YTHDF1: variants seen among roughly 807,000 people sequenced by gnomAD.
YTHDF1 encodes the protein YTH N6-methyladenosine RNA binding protein F1.
A neutral mutation model predicts 49.1 loss-of-function variants in YTHDF1; 16 were observed. The observed-to-expected ratio is 0.33, with a 90% CI of 0.22 to 0.49. YTHDF1 has a LOEUF of 0.49. YTHDF1 is among the 20% of genes least tolerant of loss of function. The probability of loss-of-function intolerance (pLI) is 0.99; values close to 1 mark genes in which losing one functional copy is unlikely to be tolerated. For missense variants in YTHDF1, 621 were observed against 744.3 expected (o/e 0.83, Z 1.93); for synonymous variants, 313 against 290.1 (o/e 1.08, Z -0.80).
intron 4 of YTHDF1, among the ~76,000 whole-genome samples, chr20:63,199,690 G>C (rs897300347): frequency 1.3e-5 from 2 of 152,184 alleles, no homozygotes; most frequent in African/African-American, 2.4e-5. Flanking sequence ...CAGGCAGGGA[G>C]AGCCAGCAGC....
chr20:63,198,275 A>C (rs2066501629), intron 4 of YTHDF1, among the ~76,000 whole-genome samples: 2 of 151,184 alleles, frequency 1.3e-5, no homozygotes, highest in Admixed American at 1.3e-4. Context: ...TCTACTAAAA[A>C]TACAAAAAAA....
chr20:63,205,702 T>G (rs2066542665), intron 3 of YTHDF1, among the ~76,000 whole-genome samples: 1 of 152,038 alleles, frequency 6.6e-6, no homozygotes, highest in Non-Finnish European at 1.5e-5. Flanking sequence ...AGAGACAGGA[T>G]TTCATCATCT....
rs1460242389 is a variant in YTHDF1 at position 63,196,234 on chromosome 20, A to G, written c.*474T>C. On this transcript the variant is annotated 3_prime_UTR_variant, in exon 5 of 5. Coordinates refer to ENST00000370339, the MANE Select transcript of YTHDF1 (RefSeq NM_017798.4). ...CTTTAGACCGATAACAGATAATAAAATGACAAATCAGAATGAACAAAAAAT... is the reference window on the plus strand; with the variant it reads ...CTTTAGACCGATAACAGATAATAAAGTGACAAATCAGAATGAACAAAAAAT... 6.6e-6 allele frequency: 1 copy of G among 152,654 alleles called. No individual in the cohort carries two copies. Among genetic ancestry groups the G allele is most frequent in the Admixed American group, 6.5e-5 (1 of 15,304 alleles). The allele number at this position is 152,654 out of a possible 1,614,324, so 9.5% of individuals were successfully genotyped here. A position where few individuals can be genotyped will look rare whatever the true frequency, so the allele number is the denominator to read the frequency against.
Position 63,196,606 on chromosome 20 carries a change from C to T in YTHDF1, c.*102G>A. The T allele has an allele frequency of 2.1e-6, 3 of 1,396,954 alleles. No homozygotes were observed. The highest frequency in any genetic ancestry group is 3.0e-6 in the Non-Finnish European group (3 of 1,009,834). The allele number at this position is 1,396,954 out of a possible 1,614,324, so 86.5% of individuals were successfully genotyped here. On this transcript the variant is annotated 3_prime_UTR_variant, in exon 5 of 5. Coordinates refer to ENST00000370339, the MANE Select transcript of YTHDF1 (RefSeq NM_017798.4). ...CGACAAGAAAGGCAAAGATGCAACACTCAACCCCCGCACGGGACGACACAC... is the reference window on the plus strand; with the variant it reads ...CGACAAGAAAGGCAAAGATGCAACATTCAACCCCCGCACGGGACGACACAC...
Position 63,202,578 on chromosome 20 carries a change from G to T in YTHDF1, c.1362C>A (p.Ser454=). The change falls in exon 4 of 5, where the codon TCC becomes TCA. Residue 454 remains serine (S), a synonymous_variant. Coordinates refer to ENST00000370339, the MANE Select transcript of YTHDF1 (RefSeq NM_017798.4). ...CGGCACTGGTGCCGTAGTCCACGGG[G>T]GACTTCATCTCGGCCACCCCACAAA... ...GHFCGVAEMK[S]PVDYGTSAGV... is the part of the protein sequence containing the mutation. 1 of 1,614,214 alleles carries T rather than the reference G, an allele frequency of 6.2e-7. No individual in the cohort carries two copies. The highest frequency in any genetic ancestry group is 8.5e-7 in the Non-Finnish European group (1 of 1,180,050).
At chr20:63,209,742 A>C (rs902698208) in intron 3 of YTHDF1, among the ~76,000 whole-genome samples, 1 of 152,190 alleles carries the variant, frequency 6.6e-6, no homozygotes, top group Non-Finnish European at 1.5e-5. Context: ...CCAAAAACCC[A>C]AAAAGACACA....
chr20:63,207,624 G>A (rs894985584), intron 3 of YTHDF1, among the ~76,000 whole-genome samples: 3 of 152,120 alleles, frequency 2.0e-5, no homozygotes, highest in South Asian at 2.1e-4. Flanking sequence ...CTCTGCAGCC[G>A]CCTCCACAGA....
intron 4 of YTHDF1, 125 bp from the exon 5 acceptor site, chr20:63,196,859 C>T: frequency 2.8e-6 from 3 of 1,067,376 alleles, no homozygotes; most frequent in South Asian, 1.5e-5. Flanking sequence ...CTGAATGGTA[C>T]CCAAGCCACA....
intron 3 of YTHDF1, among the ~76,000 whole-genome samples, chr20:63,204,983 C>T (rs1188755874): frequency 2.0e-5 from 3 of 152,062 alleles, no homozygotes; most frequent in Admixed American, 2.0e-4. Flanking sequence ...CTAGACGCAT[C>T]GTCTGAGAGT....
intron 3 of YTHDF1, among the ~76,000 whole-genome samples, chr20:63,207,486 A>AC (rs1443742907): frequency 1.4e-5 from 2 of 143,292 alleles, no homozygotes; most frequent in Non-Finnish European, 3.0e-5. Flanking sequence ...CCCCTCCAAA[A>AC]AAAAGAACAA....
In YTHDF1 at chr20:63,202,852, T is replaced by C; in HGVS notation, c.1088A>G (p.Glu363Gly). The C allele has an allele frequency of 6.2e-7, 1 of 1,613,914 alleles. No individual in the cohort carries two copies. The highest frequency in any genetic ancestry group is 8.5e-7 in the Non-Finnish European group (1 of 1,180,054). ...CAGTTTTTCAAGGACGGGGTGGGAT[T>C]CGACGCTGGGGGCAGAATTAGGCTG... ...NVQPNSAPSV[E>G]SHPVLEKLKA... The change falls in exon 4 of 5, where the codon GAA becomes GGA. Residue 363 changes from glutamate (E) to glycine (G), a missense_variant. Around this residue, in one of 2 missense-constraint regions of YTHDF1, gnomAD observed 470 missense variants for 495.8 expected, o/e 0.95. Transcript: ENST00000370339.
chr20:63,214,099 A>G (rs2066589514), intron 2 of YTHDF1, 156 bp from the exon 3 acceptor site: 1 of 967,382 alleles, frequency 1.0e-6, no homozygotes, highest in African/African-American at 1.8e-5. Flanking sequence ...TGATGTTTAT[A>G]CAACTAATTA....
chr20:63,203,012 G>A lies in YTHDF1; in HGVS notation c.928C>T (p.Pro310Ser). 5 of 1,611,728 alleles carry A rather than the reference G, an allele frequency of 3.1e-6. No individual in the cohort carries two copies. Among genetic ancestry groups the A allele is most frequent in the Non-Finnish European group, 4.2e-6 (5 of 1,179,046 alleles). The part of the protein sequence containing the change: ...QVAQPLPAQP[P>S]ALAQPQYQSP... ...TGATACTGCGGTTGAGCCAAAGCTG[G>A]GGGCTGTGCTGGGAGAGGCTGAGCC... Residue 310 changes from proline (P) to serine (S), a missense_variant, in exon 4 of 5, where the codon CCA (proline) becomes TCA (serine). Pro to Ser is a moderately conservative substitution (Grantham distance 74). This residue lies in a region of YTHDF1 where 470 missense variants were observed against 495.8 expected (regional missense o/e 0.95). Transcript: ENST00000370339. This position sits in a 1 kb window ranked among gnomAD's most constrained non-coding sequence, Gnocchi z 4.4.
Position 63,203,365 on chromosome 20 carries a change from A to G in YTHDF1, c.575T>C (p.Ile192Thr), listed in dbSNP as rs142184746. ...SLEQGMVGLK[I>T]GDVSSSAVKT... ...GACGGCGGAGGAGCTGACGTCCCCA[A>G]TCTTCAGGCCAACCATGCCCTGCTC... is the stretch of plus-strand genomic sequence containing the variant. Residue 192 changes from isoleucine to threonine, a missense_variant, in exon 4 of 5, where the codon ATT (isoleucine) becomes ACT (threonine). Coordinates refer to ENST00000370339, the MANE Select transcript of YTHDF1 (RefSeq NM_017798.4). The surrounding 1 kb of genome is among the most constrained non-coding windows in gnomAD (Gnocchi z 4.4). 42 of 1,613,090 alleles carry G rather than the reference A, an allele frequency of 2.6e-5. No homozygotes were observed. Among genetic ancestry groups the G allele is most frequent in the Middle Eastern group, 1.6e-4 (1 of 6,062 alleles).
At chr20:63,209,701 C>A (rs1181319874) in intron 3 of YTHDF1, among the ~76,000 whole-genome samples, 1 of 152,144 alleles carries the variant, frequency 6.6e-6, no homozygotes, top group Non-Finnish European at 1.5e-5. Context: ...GAGGGAGAGA[C>A]CCTGCCTCAA....
chr20:63,208,859 G>A (rs1458560161), intron 3 of YTHDF1, among the ~76,000 whole-genome samples: 1 of 152,182 alleles, frequency 6.6e-6, no homozygotes, highest in African/African-American at 2.4e-5. Context: ...ATGCTCTGAT[G>A]AGGCATTGTG....
At chr20:63,215,821 C>T in intron 1 of YTHDF1, 45 bp downstream of exon 1, 1 of 1,452,546 alleles carries the variant, frequency 6.9e-7, no homozygotes, top group Non-Finnish European at 9.1e-7. Flanking sequence ...ACCCAGACCC[C>T]GCGCCTCGGC....
intron 3 of YTHDF1, among the ~76,000 whole-genome samples, chr20:63,213,266 T>C (rs1303057451): frequency 6.6e-6 from 1 of 152,188 alleles, no homozygotes; most frequent in Non-Finnish European, 1.5e-5. Flanking sequence ...ACCCCGTCTC[T>C]ACTAAAAATA....
At chr20:63,200,687 T>C (rs1045995231) in intron 4 of YTHDF1, among the ~76,000 whole-genome samples, 2 of 152,180 alleles carry the variant, frequency 1.3e-5, no homozygotes, top group African/African-American at 4.8e-5. Flanking sequence ...GTTTTTATAA[T>C]GCAAGTTGTA....
Sources: gnomAD v4.1 joint callset for allele counts (sites outside exome capture counted in the v4.1 genomes callset) on GRCh38, gnomAD v4.1.1 for gene constraint, gnomAD v4.1.1 regional missense constraint, Gnocchi (gnomAD v3.1) non-coding constraint, MANE v1.5 for transcripts, NCBI Gene and HGNC (gene_info 2026-07-23, HGNC 2026-07-21) for gene names.